The following GPR158 variants were observed in gnomAD, a reference collection of about 807,000 sequenced individuals.
GPR158 encodes G protein-coupled receptor 158.
A neutral mutation model predicts 78.2 loss-of-function variants in GPR158; 30 were observed. The observed-to-expected ratio is 0.38, with a 90% CI of 0.29 to 0.52. The LOEUF (loss-of-function observed/expected upper bound fraction) is 0.52. Ranked by LOEUF, GPR158 falls within the 20% of genes least tolerant of loss-of-function variation. GPR158 has a pLI of 0.83. For synonymous variants in GPR158, 581 were observed against 591.1 expected, an observed-to-expected ratio of 0.98 and a Z score of 0.25; for missense variants, 1,463 against 1,523.5, an observed-to-expected ratio of 0.96 and a Z score of 0.66.
chr10:25,425,397 C>G (rs1834806373), intron 4 of GPR158, among the ~76,000 whole-genome samples: 1 of 151,866 alleles, frequency 6.6e-6, no homozygotes, highest in African/African-American at 2.4e-5. Context: ...TATCACACTG[C>G]AGTTTTAATT....
At chr10:25,432,518 G>T (rs1834926066) in intron 4 of GPR158, among the ~76,000 whole-genome samples, 1 of 152,092 alleles carries the variant, frequency 6.6e-6, no homozygotes. Flanking sequence ...AGTGCAAGCT[G>T]GGAAAAATTA....
At chr10:25,521,716 C>T in intron 5 of GPR158, among the ~76,000 whole-genome samples, 1 of 152,150 alleles carries the variant, frequency 6.6e-6, no homozygotes, top group East Asian at 1.9e-4. Flanking sequence ...TGGAACGCTT[C>T]ATGAATTTGT....
At chr10:25,361,043 T>G (rs557768816) in intron 2 of GPR158, among the ~76,000 whole-genome samples, 15 of 152,054 alleles carry the variant, frequency 9.9e-5, no homozygotes, top group African/African-American at 3.6e-4. Context: ...CATTTTCATC[T>G]TGCAGATTTG....
At chr10:25,269,644 A>AC (rs1254500661) in intron 2 of GPR158, among the ~76,000 whole-genome samples, 1 of 152,196 alleles carries the variant, frequency 6.6e-6, no homozygotes, top group Non-Finnish European at 1.5e-5. Flanking sequence ...CACAGTATAG[A>AC]CCAGACACTC....
intron 5 of GPR158, among the ~76,000 whole-genome samples, chr10:25,477,092 A>T (rs1209051917): frequency 6.6e-6 from 1 of 152,078 alleles, no homozygotes; most frequent in African/African-American, 2.4e-5. Flanking sequence ...AAAACCTTAA[A>T]CTAAAACTTA....
intron 2 of GPR158, among the ~76,000 whole-genome samples, chr10:25,341,173 A>C (rs1855298196): frequency 6.6e-6 from 1 of 152,036 alleles, no homozygotes; most frequent in Non-Finnish European, 1.5e-5. Context: ...GCATCAGAGC[A>C]GCACTAAAGA....
chr10:25,432,486 ATATACT>A (rs758881054), intron 4 of GPR158, among the ~76,000 whole-genome samples: 3 of 152,212 alleles, frequency 2.0e-5, no homozygotes, highest in Non-Finnish European at 2.9e-5. Context: ...ATATATGTAC[ATATACT>A]TATAGCACTA....
chr10:25,550,626 G>A (rs889207388), intron 5 of GPR158, among the ~76,000 whole-genome samples: 8 of 152,098 alleles, frequency 5.3e-5, no homozygotes, highest in African/African-American at 1.7e-4. Context: ...TATACTTTAA[G>A]TTTTAGGGTA....
chr10:25,370,865 A>G (rs539094647), intron 2 of GPR158, among the ~76,000 whole-genome samples: 37 of 152,054 alleles, frequency 2.4e-4, no homozygotes, highest in African/African-American at 8.9e-4. Flanking sequence ...TATTGGGTAC[A>G]TATATATTAA....
chr10:25,334,340 G>A (rs753015386), intron 2 of GPR158, among the ~76,000 whole-genome samples: 2 of 151,956 alleles, frequency 1.3e-5, no homozygotes, highest in Admixed American at 6.6e-5. Flanking sequence ...AACTCCAAAT[G>A]GAATGCATTG....
intron 2 of GPR158, among the ~76,000 whole-genome samples, chr10:25,240,147 A>T (rs1368203451): frequency 2.6e-5 from 4 of 152,126 alleles, no homozygotes; most frequent in Non-Finnish European, 5.9e-5. Flanking sequence ...TGTAATGGGG[A>T]CAAAATTATT....
chr10:25,590,404 C>T (rs890748511), intron 8 of GPR158, among the ~76,000 whole-genome samples: 1 of 152,018 alleles, frequency 6.6e-6, no homozygotes, highest in Non-Finnish European at 1.5e-5. Context: ...ATTATAAATA[C>T]GCAAAGGAAG....
At chr10:25,374,849 A>G (rs1204595779) in intron 2 of GPR158, among the ~76,000 whole-genome samples, 1 of 151,730 alleles carries the variant, frequency 6.6e-6, no homozygotes, top group Non-Finnish European at 1.5e-5. Flanking sequence ...AATAAAGCCA[A>G]ACACTTATGT....
At chr10:25,223,203 A>G (rs1221110998) in intron 2 of GPR158, among the ~76,000 whole-genome samples, 4 of 152,202 alleles carry the variant, frequency 2.6e-5, no homozygotes, top group Admixed American at 1.3e-4. Context: ...ATATTCTACA[A>G]TTTCATTTGA....
chr10:25,445,199 G>C (rs78031929), intron 4 of GPR158, among the ~76,000 whole-genome samples: 1 of 152,146 alleles, frequency 6.6e-6, no homozygotes, highest in African/African-American at 2.4e-5. Flanking sequence ...AGGAAGTAAC[G>C]CTTGATTCTA....
intron 5 of GPR158, among the ~76,000 whole-genome samples, chr10:25,471,863 C>T (rs1281720764): frequency 2.6e-5 from 4 of 152,232 alleles, no homozygotes; most frequent in Middle Eastern, 3.4e-3. Context: ...TGGATATTAG[C>T]CCTTTGTCAG....
intron 5 of GPR158, 23 bp from the exon 6 acceptor site, chr10:25,550,953 C>G: frequency 8.1e-7 from 1 of 1,231,092 alleles, no homozygotes; most frequent in Non-Finnish European, 1.2e-6. Flanking sequence ...TCCTGAAGGT[C>G]TCTTTCTGTT....
At chr10:25,288,696 A>G (rs1297176683) in intron 2 of GPR158, among the ~76,000 whole-genome samples, 1 of 152,214 alleles carries the variant, frequency 6.6e-6, no homozygotes, top group Non-Finnish European at 1.5e-5. Flanking sequence ...TCAGGCAGGG[A>G]ACAAAGTAAA....
At chr10:25,481,772 C>T (rs1159013419) in intron 5 of GPR158, among the ~76,000 whole-genome samples, 1 of 152,164 alleles carries the variant, frequency 6.6e-6, no homozygotes, top group Non-Finnish European at 1.5e-5. Flanking sequence ...TCTCCATATC[C>T]ACACCAAGAC....
Sources: gnomAD v4.1 joint callset for allele counts (sites outside exome capture counted in the v4.1 genomes callset) on GRCh38, gnomAD v4.1.1 for gene constraint, MANE v1.5 for transcripts, NCBI Gene and HGNC (gene_info 2026-07-23, HGNC 2026-07-21) for gene names.